PRKAR2A: variants seen among roughly 807,000 people sequenced by gnomAD.
PRKAR2A encodes the protein cAMP-dependent protein kinase type II-alpha regulatory subunit.
Under a neutral mutation model 51.9 loss-of-function variants are expected in PRKAR2A, and 29 were observed. That is an observed-to-expected ratio of 0.56 (90% CI 0.42 to 0.76). The LOEUF is 0.76. Among genes scored for constraint, PRKAR2A ranks in the 30% least tolerant of loss-of-function variants. PRKAR2A has a pLI of 0.00. For synonymous variants in PRKAR2A, 178 were observed against 186.2 expected (o/e 0.96, Z 0.36); for missense variants, 445 against 512.1 (o/e 0.87, Z 1.26).
intron 1 of PRKAR2A, among the ~76,000 whole-genome samples, chr3:48,813,232 CAAAAA>C (rs35033928): frequency 2.5e-5 from 2 of 80,490 alleles, no homozygotes; most frequent in African/African-American, 4.7e-5. Flanking sequence ...CTATCTCTAC[CAAAAA>C]AAAAAAAAAA....
At chr3:48,753,984 GC>G (rs1575833595) in intron 9 of PRKAR2A, among the ~76,000 whole-genome samples, 1 of 142,742 alleles carries the variant, frequency 7.0e-6, no homozygotes, top group Non-Finnish European at 1.5e-5. Flanking sequence ...TGCAAGCTCT[GC>G]CTCCTGGGCT....
chr3:48,835,222 C>T (rs905069965), intron 1 of PRKAR2A, among the ~76,000 whole-genome samples: 2 of 151,982 alleles, frequency 1.3e-5, no homozygotes, highest in South Asian at 4.2e-4. Flanking sequence ...CTGCCTGCCT[C>T]GGCCGCCCGA....
At position 48,763,094 on chromosome 3, in the gene PRKAR2A, T is replaced by C. The variant is rs2081888017; in HGVS notation, c.873+1910A>G. ...TTTGTACACTTAAACTTAGTAATTT[T>C]ATTGTATGTAAAATACACTGTAACA... On this transcript the variant is annotated intron_variant, in intron 8 of 10. Coordinates refer to ENST00000265563, the MANE Select transcript of PRKAR2A (RefSeq NM_004157.4). 2.0e-5 allele frequency among the ~76,000 whole-genome samples: 3 copies of C among 152,218 alleles called. No homozygotes were observed. In the South Asian group the frequency reaches 6.2e-4, roughly 32 times the overall value.
At chr3:48,745,366 T>A (rs1013387448), downstream of PRKAR2A, among the ~76,000 whole-genome samples, 2 of 152,124 alleles carry the variant, frequency 1.3e-5, no homozygotes, top group African/African-American at 2.4e-5. Flanking sequence ...TTTGTCTTCC[T>A]GGCAAGGGAT....
chr3:48,823,786 C>CAA (rs911139872), intron 1 of PRKAR2A, among the ~76,000 whole-genome samples: 19 of 63,924 alleles, frequency 3.0e-4, no homozygotes, highest in African/African-American at 8.6e-4. Flanking sequence ...ACCCCGTCTC[C>CAA]AAAAAAAAAA....
intron 8 of PRKAR2A, among the ~76,000 whole-genome samples, chr3:48,763,566 T>G (rs1312456377): frequency 6.6e-6 from 1 of 152,168 alleles, no homozygotes; most frequent in African/African-American, 2.4e-5. Context: ...CTCCCATTTC[T>G]GAATCTCAGC....
chr3:48,791,246 C>A (rs569061120), intron 3 of PRKAR2A, among the ~76,000 whole-genome samples: 1 of 133,694 alleles, frequency 7.5e-6, no homozygotes, highest in South Asian at 2.4e-4. Context: ...AAGATTGTGC[C>A]ACTGCAGTCC....
intron 1 of PRKAR2A, among the ~76,000 whole-genome samples, chr3:48,809,008 T>C (rs1414480908): frequency 2.6e-5 from 4 of 151,224 alleles, no homozygotes; most frequent in Non-Finnish European, 4.4e-5. Context: ...CATGAACTCC[T>C]GACCTCAAGT....
chr3:48,816,748 C>T (rs1021391879), intron 1 of PRKAR2A, among the ~76,000 whole-genome samples: 1 of 152,210 alleles, frequency 6.6e-6, no homozygotes, highest in African/African-American at 2.4e-5. Context: ...ATGTTCACCT[C>T]ACCTAAGCCC....
chr3:48,828,187 CT>C (rs1208795594), intron 1 of PRKAR2A, among the ~76,000 whole-genome samples: 1 of 152,020 alleles, frequency 6.6e-6, no homozygotes, highest in South Asian at 2.1e-4. Flanking sequence ...TTTTTTCTAA[CT>C]TTTTTTCTCT....
Position 48,747,277 on chromosome 3 carries a change from G to C in PRKAR2A, c.*4308C>G, listed in dbSNP as rs2081573633. Reference sequence around the variant, plus strand: ...ACAAAAATTCCAACATCAGCCAACTGAAAATAAAAGATAAAAGATGACATT... The same window carrying C: ...ACAAAAATTCCAACATCAGCCAACTCAAAATAAAAGATAAAAGATGACATT... On this transcript the variant is annotated 3_prime_UTR_variant, in exon 11 of 11. Transcript: ENST00000265563. The C allele has an allele frequency of 6.6e-6, 1 of 152,024 alleles. No individual in the cohort carries two copies. The highest frequency in any genetic ancestry group is 1.5e-5 in the Non-Finnish European group (1 of 67,996). The allele number at this position is 152,024 out of a possible 1,614,324, so 9.4% of individuals were successfully genotyped here. A position where few individuals can be genotyped will look rare whatever the true frequency, so the allele number is the denominator to read the frequency against.
chr3:48,758,830 G>A (rs1229956914), intron 8 of PRKAR2A, among the ~76,000 whole-genome samples: 1 of 152,108 alleles, frequency 6.6e-6, no homozygotes, highest in Non-Finnish European at 1.5e-5. Context: ...ATCCAATTTT[G>A]TGGATGACTT....
Position 48,790,539 on chromosome 3 carries a change from G to A in PRKAR2A, c.435+5C>T. ...TAATAAAAATACTTTAGAAATCAAT[G>A]TTACCTGATCAAGATTTTTGAAAAG... On this transcript the variant is annotated splice_donor_5th_base_variant and intron_variant, in intron 4 of 10. Coordinates refer to ENST00000265563, the MANE Select transcript of PRKAR2A (RefSeq NM_004157.4). 1 of 1,522,770 alleles carries A rather than the reference G, an allele frequency of 6.6e-7. No homozygotes were observed. The highest frequency in any genetic ancestry group is 8.8e-7 in the Non-Finnish European group (1 of 1,135,056). 94.3% of individuals were successfully genotyped at this position (1,522,770 alleles called of 1,614,324 possible). A position where few individuals can be genotyped will look rare whatever the true frequency, so the allele number is the denominator to read the frequency against.
At chr3:48,817,875 AC>A (rs1359921243) in intron 1 of PRKAR2A, among the ~76,000 whole-genome samples, 1 of 152,136 alleles carries the variant, frequency 6.6e-6, no homozygotes, top group Admixed American at 6.6e-5. Context: ...TTAAAAAAAA[AC>A]AAACTCCATT....
At chr3:48,766,344 G>A (rs146978426) in intron 6 of PRKAR2A, among the ~76,000 whole-genome samples, 78 of 152,052 alleles carry the variant, frequency 5.1e-4, no homozygotes, top group Middle Eastern at 3.4e-3. Flanking sequence ...GAGTCAGACA[G>A]ATCACTTGAG....
chr3:48,807,598 T>A, intron 2 of PRKAR2A, 51 bp downstream of exon 2: 3 of 1,367,648 alleles, frequency 2.2e-6, no homozygotes, highest in Non-Finnish European at 3.1e-6. Context: ...TTCAATATAT[T>A]CCTATCTTAA....
chr3:48,845,740 A>C (rs1474872223), intron 1 of PRKAR2A, among the ~76,000 whole-genome samples: 2 of 152,178 alleles, frequency 1.3e-5, no homozygotes, highest in Admixed American at 1.3e-4. Context: ...TGAGGCCAGG[A>C]GTTCAAGACC....
intron 2 of PRKAR2A, among the ~76,000 whole-genome samples, chr3:48,802,610 C>A (rs1328320063): frequency 6.6e-6 from 1 of 152,040 alleles, no homozygotes; most frequent in African/African-American, 2.4e-5. Context: ...GGCTGAGGTA[C>A]AGGAATCACT....
At chr3:48,778,777 CA>C (rs1299413034) in intron 5 of PRKAR2A, among the ~76,000 whole-genome samples, 2 of 151,066 alleles carry the variant, frequency 1.3e-5, no homozygotes, top group South Asian at 2.1e-4. Context: ...CTCAGCCTCC[CA>C]AAGCGCTGGG....
Sources: allele counts gnomAD v4.1 joint callset (sites outside exome capture counted in the v4.1 genomes callset), GRCh38; gene constraint gnomAD v4.1.1; transcripts MANE v1.5; gene names NCBI Gene and HGNC (gene_info 2026-07-23, HGNC 2026-07-21).